CHMP3: variants seen among roughly 807,000 people sequenced by gnomAD.
CHMP3 encodes charged multivesicular body protein 3, also known as 25.1 protein.
A neutral mutation model predicts 27.4 loss-of-function variants in CHMP3; 8 were observed. That is an observed-to-expected ratio of 0.29 (90% confidence interval 0.17 to 0.53). The LOEUF is 0.53. Ranked by LOEUF, CHMP3 falls within the 20% of genes least tolerant of loss-of-function variation. The pLI is 0.96. For missense variants in CHMP3, 208 were observed against 271.5 expected (o/e 0.77, Z 1.64); for synonymous variants, 86 against 85.5 (o/e 1.01, Z -0.03).
chr2:86,512,392 AGAACT>A (rs1379469147), intron 3 of CHMP3: 1 of 152,322 alleles, frequency 6.6e-6, no homozygotes, highest in African/African-American at 2.4e-5. Flanking sequence ...CCCAGACTCC[AGAACT>A]GCATGAAATA....
chr2:86,536,189 G>A (rs1048143604), intron 2 of CHMP3, among the ~76,000 whole-genome samples: 11 of 150,990 alleles, frequency 7.3e-5, no homozygotes, highest in African/African-American at 2.7e-4. Context: ...TAGTAGAGAC[G>A]GGGTTTCACC....
In CHMP3 at chr2:86,505,961, G is replaced by C; in HGVS notation, c.524-12C>G. ...TTTGCCCAAGGCCCCTGAAAAGAAA[G>C]AGCAAAGATGAACACCACATTGGCT... On this transcript the variant is annotated splice_polypyrimidine_tract_variant and intron_variant, in intron 5 of 5. Coordinates refer to ENST00000263856, the MANE Select transcript of CHMP3 (RefSeq NM_016079.4). 1 of 1,542,504 alleles carries C rather than the reference G, an allele frequency of 6.5e-7. No individual in the cohort carries two copies. The highest frequency in any genetic ancestry group is 8.8e-7 in the Non-Finnish European group (1 of 1,138,210).
intron 2 of CHMP3, among the ~76,000 whole-genome samples, chr2:86,535,337 C>T (rs1676084307): frequency 6.6e-6 from 1 of 150,802 alleles, no homozygotes; most frequent in Non-Finnish European, 1.5e-5. Context: ...TATGGCATAG[C>T]TATTTTGTCC....
intron 2 of CHMP3, among the ~76,000 whole-genome samples, chr2:86,537,693 C>T (rs1479043896): frequency 6.6e-6 from 1 of 152,114 alleles, no homozygotes; most frequent in African/African-American, 2.4e-5. Flanking sequence ...TAAAGATCAG[C>T]ACAAGGTATA....
At chr2:86,528,168 C>T (rs190905835) in intron 3 of CHMP3, among the ~76,000 whole-genome samples, 90 of 152,148 alleles carry the variant, frequency 5.9e-4, no homozygotes, top group African/African-American at 2.1e-3. Flanking sequence ...GAAGAAAATA[C>T]CTTCAGAACG....
Position 86,505,910 on chromosome 2 carries a change from AG to A in CHMP3, c.562del (p.Leu188PhefsTer127). 6.3e-7 allele frequency: 1 copy of A among 1,590,324 alleles called. No homozygotes were observed. The highest frequency in any genetic ancestry group is 1.3e-5 in the African/African-American group (1 of 74,080). ...CGCTCCTGGAGGTTCTGGCTCTGGA[AG>A]GGCATCAGTCACTTTACTGGGTGCT... ...GKAPSKVTDA[L>X]PEPEPPGAMA... On this transcript the variant is annotated frameshift_variant, in exon 6 of 6. Coordinates refer to ENST00000263856, the MANE Select transcript of CHMP3 (RefSeq NM_016079.4). LOFTEE classifies it high-confidence loss of function.
At chr2:86,548,047 T>G (rs1676680130) in intron 1 of CHMP3, among the ~76,000 whole-genome samples, 1 of 152,196 alleles carries the variant, frequency 6.6e-6, no homozygotes, top group South Asian at 2.1e-4. Flanking sequence ...ACAAAATGAT[T>G]GAATTCCTGT....
At chr2:86,533,212 A>G (rs1675995519) in intron 2 of CHMP3, among the ~76,000 whole-genome samples, 1 of 152,228 alleles carries the variant, frequency 6.6e-6, no homozygotes, top group Admixed American at 6.5e-5. Flanking sequence ...TTATTAACAT[A>G]CAATTGTCCA....
At chr2:86,518,480 T>C (rs1388853362) in intron 3 of CHMP3, among the ~76,000 whole-genome samples, 1 of 151,936 alleles carries the variant, frequency 6.6e-6, no homozygotes, top group Non-Finnish European at 1.5e-5. Flanking sequence ...TGAAAAAAAA[T>C]AACTTGAAGC....
intron 1 of CHMP3, among the ~76,000 whole-genome samples, chr2:86,556,455 T>G (rs1677125910): frequency 6.6e-6 from 1 of 151,960 alleles, no homozygotes; most frequent in Non-Finnish European, 1.5e-5. Flanking sequence ...TCGGTCAGGG[T>G]GGTGGGAAAA....
At chr2:86,507,729 A>G (rs977407279) in intron 4 of CHMP3, 136 bp from the exon 5 acceptor site, 3 of 710,870 alleles carry the variant, frequency 4.2e-6, no homozygotes, top group Non-Finnish European at 4.8e-6. Context: ...CAGCTGGCCA[A>G]AGGAAACACT....
At chr2:86,520,930 A>G (rs898263236) in intron 3 of CHMP3, among the ~76,000 whole-genome samples, 1 of 152,200 alleles carries the variant, frequency 6.6e-6, no homozygotes, top group African/African-American at 2.4e-5. Flanking sequence ...CTGAAGAACC[A>G]CAAAAGAAGT....
At position 86,505,642 on chromosome 2, in the gene CHMP3, G is replaced by A. The variant is rs1674859477; in HGVS notation, c.*162C>T. On this transcript the variant is annotated 3_prime_UTR_variant, in exon 6 of 6. Coordinates refer to ENST00000263856, the MANE Select transcript of CHMP3 (RefSeq NM_016079.4). The stretch of plus-strand genomic sequence containing the variant: ...GCATTTATTTATGCCACTTTTATAA[G>A]AACAATCCCTTTGCGATCCCAAAAC... The A allele has an allele frequency of 4.2e-6, 4 of 955,162 alleles. No individual in the cohort carries two copies. The highest frequency in any genetic ancestry group is 5.7e-6 in the Non-Finnish European group (4 of 702,372). The allele number at this position is 955,162 out of a possible 1,614,324, so 59.2% of individuals were successfully genotyped here.
chr2:86,540,499 T>A (rs903409034), intron 2 of CHMP3: 3 of 152,112 alleles, frequency 2.0e-5, no homozygotes, highest in Non-Finnish European at 4.4e-5. Context: ...CAGTTGTGTA[T>A]CCCTAATCAG....
chr2:86,510,054 C>G (rs2104741859), intron 4 of CHMP3, among the ~76,000 whole-genome samples: 1 of 152,314 alleles, frequency 6.6e-6, no homozygotes, highest in Admixed American at 6.5e-5. Flanking sequence ...ATCTCCTTGC[C>G]TATGTTGGAC....
At chr2:86,563,159 G>A (rs574881137) in intron 1 of CHMP3, 145 bp downstream of exon 1, 6 of 942,802 alleles carry the variant, frequency 6.4e-6, no homozygotes, top group Admixed American at 2.3e-5. Flanking sequence ...CTCTTCCTCC[G>A]GCCCCCCTGT....
intron 2 of CHMP3, among the ~76,000 whole-genome samples, chr2:86,532,015 G>C (rs1334785139): frequency 6.6e-6 from 1 of 152,098 alleles, no homozygotes; most frequent in Non-Finnish European, 1.5e-5. Flanking sequence ...GATAAGGATT[G>C]CACTTTGAAT....
At chr2:86,514,606 G>A (rs527489674) in intron 3 of CHMP3, among the ~76,000 whole-genome samples, 8 of 152,200 alleles carry the variant, frequency 5.3e-5, no homozygotes, top group South Asian at 4.2e-4. Context: ...TAGTGACTGC[G>A]TCCCACTGTG....
At chr2:86,546,646 C>A (rs1236862397) in intron 1 of CHMP3, among the ~76,000 whole-genome samples, 1 of 152,060 alleles carries the variant, frequency 6.6e-6, no homozygotes, top group Non-Finnish European at 1.5e-5. Flanking sequence ...CCACGTTGGC[C>A]AGGCTTGTCT....
Sources: gnomAD v4.1 joint callset for allele counts (sites outside exome capture counted in the v4.1 genomes callset) on GRCh38, gnomAD v4.1.1 for gene constraint, MANE v1.5 for transcripts, NCBI Gene and HGNC (gene_info 2026-07-23, HGNC 2026-07-21) for gene names.